Variants in CNTN5 observed in about 807,000 individuals in gnomAD.
The protein encoded by CNTN5 is contactin-5.
In CNTN5, 77 loss-of-function variants were observed where a neutral mutation model predicts 129.1. The observed-to-expected ratio is 0.60, with a 90% CI of 0.50 to 0.72. The LOEUF is 0.72. CNTN5 is among the 30% of genes least tolerant of loss of function. The probability of loss-of-function intolerance (pLI) is 0.00; values close to 1 mark genes in which losing one functional copy is unlikely to be tolerated. For synonymous variants in CNTN5, 509 were observed against 465.6 expected (o/e 1.09, Z -1.20); for missense variants, 1,478 against 1,328.8 (o/e 1.11, Z -1.75).
chr11:100,327,736 C>T (rs1046869855), intron 21 of CNTN5, among the ~76,000 whole-genome samples: 2 of 152,010 alleles, frequency 1.3e-5, no homozygotes, highest in East Asian at 1.9e-4. Flanking sequence ...AAAATACCTT[C>T]GAATGGATAG....
intron 2 of CNTN5, among the ~76,000 whole-genome samples, chr11:99,465,872 A>AC (rs1565205646): frequency 1.7e-5 from 1 of 60,352 alleles, no homozygotes; most frequent in South Asian, 6.7e-4. Flanking sequence ...GGTGCCACAC[A>AC]CCTTTTTTTT....
chr11:99,622,742 G>C (rs1346742784), intron 3 of CNTN5, among the ~76,000 whole-genome samples: 1 of 151,812 alleles, frequency 6.6e-6, no homozygotes, highest in African/African-American at 2.4e-5. Flanking sequence ...CAATGAAAAG[G>C]CCCGTTCCCT....
chr11:99,707,079 C>T (rs931195235), intron 3 of CNTN5, among the ~76,000 whole-genome samples: 2 of 151,394 alleles, frequency 1.3e-5, no homozygotes, highest in African/African-American at 4.8e-5. Flanking sequence ...TGGTAATGCA[C>T]CTGCCATAAA....
chr11:99,987,988 C>T (rs12287971), intron 8 of CNTN5, among the ~76,000 whole-genome samples: 56,745 of 152,104 alleles, frequency 0.37, 11,840 homozygotes, highest in African/African-American at 0.57. Flanking sequence ...TATTCCCATC[C>T]ACTTTACATC....
intron 1 of CNTN5, among the ~76,000 whole-genome samples, chr11:99,217,404 A>G (rs1460752012): frequency 6.6e-6 from 1 of 152,168 alleles, no homozygotes; most frequent in African/African-American, 2.4e-5. Flanking sequence ...AGTTAAGTTG[A>G]CTTGTATCCA....
intron 6 of CNTN5, among the ~76,000 whole-genome samples, chr11:99,863,308 G>T (rs568515450): frequency 1.3e-5 from 2 of 152,070 alleles, no homozygotes. Context: ...TAGACAAACT[G>T]GTTAGTATAG....
At chr11:100,236,778 C>T (rs1037260061) in intron 16 of CNTN5, among the ~76,000 whole-genome samples, 1 of 152,112 alleles carries the variant, frequency 6.6e-6, no homozygotes, top group African/African-American at 2.4e-5. Flanking sequence ...GCTCCTTTCC[C>T]TATAGTTTCT....
intron 3 of CNTN5, among the ~76,000 whole-genome samples, chr11:99,646,312 A>G (rs1951958143): frequency 6.6e-6 from 1 of 152,238 alleles, no homozygotes; most frequent in Admixed American, 6.5e-5. Flanking sequence ...TAATATACAT[A>G]TGCATTCAAC....
intron 4 of CNTN5, among the ~76,000 whole-genome samples, chr11:99,842,355 A>T (rs1008305591): frequency 6.6e-6 from 1 of 152,234 alleles, no homozygotes. Flanking sequence ...ACTACAAGTA[A>T]ATATTAGTTA....
chr11:99,612,357 T>A (rs767984992), intron 3 of CNTN5, among the ~76,000 whole-genome samples: 21 of 152,180 alleles, frequency 1.4e-4, no homozygotes, highest in Admixed American at 2.0e-4. Flanking sequence ...CACCTGTGGA[T>A]CTAAGGATTA....
At chr11:100,197,141 G>A (rs779933404) in intron 15 of CNTN5, among the ~76,000 whole-genome samples, 7 of 151,906 alleles carry the variant, frequency 4.6e-5, no homozygotes, top group Non-Finnish European at 7.4e-5. Flanking sequence ...CAGACAGAGC[G>A]AGCACGTTGG....
intron 1 of CNTN5, among the ~76,000 whole-genome samples, chr11:99,070,529 A>T (rs978239804): frequency 8.5e-4 from 45 of 53,230 alleles, no homozygotes; most frequent in African/African-American, 4.1e-3. Context: ...GCATGCAGAT[A>T]AAAAAAAAAA....
intron 1 of CNTN5, among the ~76,000 whole-genome samples, chr11:99,304,326 C>G (rs1043881631): frequency 2.0e-5 from 3 of 152,024 alleles, no homozygotes; most frequent in Admixed American, 2.0e-4. Flanking sequence ...CCTATAGATC[C>G]TTCCATCAAA....
At chr11:100,267,639 G>T (rs1299695028) in intron 17 of CNTN5, among the ~76,000 whole-genome samples, 1 of 152,138 alleles carries the variant, frequency 6.6e-6, no homozygotes, top group Non-Finnish European at 1.5e-5. Context: ...ATATGCAAGA[G>T]CATTAGAGGA....
At chr11:100,187,120 T>A (rs912359692) in intron 13 of CNTN5, among the ~76,000 whole-genome samples, 3 of 152,110 alleles carry the variant, frequency 2.0e-5, no homozygotes, top group African/African-American at 4.8e-5. Context: ...CCTCCTTAGT[T>A]ACATATAGTC....
chr11:100,292,350 T>C (rs527255158), intron 18 of CNTN5, among the ~76,000 whole-genome samples: 1 of 152,160 alleles, frequency 6.6e-6, no homozygotes, highest in African/African-American at 2.4e-5. Flanking sequence ...GGCAGCCTTA[T>C]TGGGTGTGAT....
chr11:99,067,313 C>A (rs964470437), intron 1 of CNTN5, among the ~76,000 whole-genome samples: 3 of 152,002 alleles, frequency 2.0e-5, no homozygotes, highest in African/African-American at 7.2e-5. Context: ...CTCAAAGCAG[C>A]CTCACATTTT....
At chr11:99,689,185 G>C (rs894473367) in intron 3 of CNTN5, among the ~76,000 whole-genome samples, 4 of 152,180 alleles carry the variant, frequency 2.6e-5, no homozygotes, top group Non-Finnish European at 2.9e-5. Flanking sequence ...TCGCCACACT[G>C]TCTTCCACAA....
chr11:100,007,249 G>A lies in CNTN5; in HGVS notation c.980+5113G>A, dbSNP rs75290790. 5.0e-4 allele frequency among the ~76,000 whole-genome samples: 76 copies of A among 152,122 alleles called. No individual in the cohort carries two copies. In the East Asian group the frequency reaches 0.014, roughly 28 times the overall value. ...CCCTATGATTTTCAAATTGGTAAAT[G>A]AGCATTGGCTTCAGATTCAACGTCA... is the stretch of plus-strand genomic sequence containing the variant. On this transcript the variant is annotated intron_variant, in intron 9 of 24. Transcript: ENST00000524871.
Sources: gnomAD v4.1 joint callset for allele counts (sites outside exome capture counted in the v4.1 genomes callset) on GRCh38, gnomAD v4.1.1 for gene constraint, MANE v1.5 for transcripts, NCBI Gene and HGNC (gene_info 2026-07-23, HGNC 2026-07-21) for gene names.